Variants in DSCAM observed in about 807,000 individuals in gnomAD.
DSCAM encodes the protein cell adhesion molecule DSCAM.
A neutral mutation model predicts 217.7 loss-of-function variants in DSCAM; 47 were observed. That is an observed-to-expected ratio of 0.22 (90% confidence interval 0.17 to 0.28). The LOEUF (loss-of-function observed/expected upper bound fraction) is 0.28. Among genes scored for constraint, DSCAM ranks in the 10% least tolerant of loss-of-function variants. DSCAM has a pLI of 1.00. For missense variants in DSCAM, 2,080 were observed against 2,618.3 expected (o/e 0.79, Z 4.49); for synonymous variants, 1,056 against 1,015.3 (o/e 1.04, Z -0.76).
At chr21:40,610,817 G>C (rs2089303955) in intron 3 of DSCAM, among the ~76,000 whole-genome samples, 1 of 152,152 alleles carries the variant, frequency 6.6e-6, no homozygotes, top group African/African-American at 2.4e-5. Flanking sequence ...CTGGCTTAGA[G>C]TTAACAGCAG....
intron 27 of DSCAM, among the ~76,000 whole-genome samples, chr21:40,063,421 G>A (rs1047823715): frequency 2.7e-5 from 4 of 149,408 alleles, no homozygotes; most frequent in African/African-American, 7.4e-5. Context: ...TTTTTTCTCT[G>A]AGCACATTGT....
chr21:40,780,447 A>ATATC (rs1308722522), intron 1 of DSCAM, among the ~76,000 whole-genome samples: 18 of 141,558 alleles, frequency 1.3e-4, no homozygotes, highest in Admixed American at 1.3e-3. Flanking sequence ...ATATATATAT[A>ATATC]TCTCCTGTTA....
intron 16 of DSCAM, among the ~76,000 whole-genome samples, chr21:40,158,165 G>A (rs912229900): frequency 2.0e-5 from 3 of 152,096 alleles, no homozygotes; most frequent in Non-Finnish European, 2.9e-5. Flanking sequence ...CAGGAGGACC[G>A]CTGCAGGTCA....
chr21:40,080,662 A>G (rs1383833883), intron 24 of DSCAM, among the ~76,000 whole-genome samples: 1 of 152,206 alleles, frequency 6.6e-6, no homozygotes. Flanking sequence ...CTCAGATCAT[A>G]CATGCCTGAA....
At chr21:40,773,527 A>T (rs1315453214) in intron 1 of DSCAM, among the ~76,000 whole-genome samples, 1 of 152,198 alleles carries the variant, frequency 6.6e-6, no homozygotes, top group Non-Finnish European at 1.5e-5. Context: ...ACTTAATTAC[A>T]TCTGCAAATA....
intron 27 of DSCAM, among the ~76,000 whole-genome samples, chr21:40,072,113 T>G (rs537388387): frequency 6.6e-6 from 1 of 152,308 alleles, no homozygotes; most frequent in African/African-American, 2.4e-5. Context: ...TTCTGAGTCT[T>G]AGAAATCTCT....
At chr21:40,372,375 G>T (rs751980098) in intron 3 of DSCAM, among the ~76,000 whole-genome samples, 2 of 152,152 alleles carry the variant, frequency 1.3e-5, no homozygotes, top group Non-Finnish European at 2.9e-5. Context: ...GTCTCCCTTT[G>T]TGTGTCTTTC....
intron 3 of DSCAM, among the ~76,000 whole-genome samples, chr21:40,577,819 T>C (rs544525984): frequency 4.6e-5 from 7 of 152,254 alleles, no homozygotes; most frequent in African/African-American, 1.4e-4. Context: ...TACAAGGTGA[T>C]AGACTCGGGG....
chr21:40,689,826 C>T (rs2090520024), intron 3 of DSCAM, among the ~76,000 whole-genome samples: 1 of 152,214 alleles, frequency 6.6e-6, no homozygotes, highest in Admixed American at 6.5e-5. Flanking sequence ...AGGTCATCTG[C>T]TGTGCATATG....
intron 25 of DSCAM, among the ~76,000 whole-genome samples, chr21:40,079,240 CA>C (rs769061433): frequency 6.6e-6 from 1 of 152,084 alleles, no homozygotes; most frequent in Non-Finnish European, 1.5e-5. Flanking sequence ...CCCTAAAGAA[CA>C]ATAGGATGTT....
intron 2 of DSCAM, among the ~76,000 whole-genome samples, chr21:40,699,206 G>A (rs73358379): frequency 0.12 from 18,814 of 151,974 alleles, 1,993 homozygotes; most frequent in African/African-American, 0.29. Context: ...ATTGTTTTGC[G>A]GAGCCACAAA....
intron 1 of DSCAM, among the ~76,000 whole-genome samples, chr21:40,715,445 G>T (rs2090831497): frequency 6.6e-6 from 1 of 152,202 alleles, no homozygotes; most frequent in East Asian, 1.9e-4. Context: ...TTGCCAAAAG[G>T]TGGCAGAGAA....
At chr21:40,811,486 A>T (rs1296417745) in intron 1 of DSCAM, among the ~76,000 whole-genome samples, 1 of 152,248 alleles carries the variant, frequency 6.6e-6, no homozygotes, top group Non-Finnish European at 1.5e-5. Context: ...TGGAAAAGAA[A>T]GTGTGTTCTA....
chr21:40,345,531 T>C (rs1337068284), intron 6 of DSCAM, among the ~76,000 whole-genome samples: 2 of 152,228 alleles, frequency 1.3e-5, no homozygotes, highest in Non-Finnish European at 2.9e-5. Flanking sequence ...AATCATTCCA[T>C]TTTTCAGGTA....
chr21:40,735,483 C>T (rs1352094408), intron 1 of DSCAM, among the ~76,000 whole-genome samples: 1 of 152,200 alleles, frequency 6.6e-6, no homozygotes, highest in Non-Finnish European at 1.5e-5. Flanking sequence ...AGGCTGCAAA[C>T]TCTTGCCCAG....
At chr21:40,148,952 C>A (rs1422922234) in intron 16 of DSCAM, among the ~76,000 whole-genome samples, 2 of 152,132 alleles carry the variant, frequency 1.3e-5, no homozygotes, top group Non-Finnish European at 2.9e-5. Context: ...ACACTTTAAC[C>A]TCCACTACTT....
chr21:40,453,368 A>G (rs2075737599), intron 3 of DSCAM, among the ~76,000 whole-genome samples: 1 of 152,178 alleles, frequency 6.6e-6, no homozygotes, highest in Non-Finnish European at 1.5e-5. Flanking sequence ...CACACTAGGA[A>G]AGGTCACACT....
intron 8 of DSCAM, among the ~76,000 whole-genome samples, chr21:40,315,394 A>C (rs2074185023): frequency 6.7e-6 from 1 of 150,084 alleles, no homozygotes; most frequent in African/African-American, 2.5e-5. Flanking sequence ...ACAGAGCGAA[A>C]CTCCGTCTCA....
At chr21:40,272,598 C>T (rs752685559) in intron 11 of DSCAM, among the ~76,000 whole-genome samples, 12 of 152,134 alleles carry the variant, frequency 7.9e-5, no homozygotes, top group Non-Finnish European at 1.0e-4. Context: ...GTGCAGGGTT[C>T]GCAGGATCTC....
Sources: gnomAD v4.1 joint callset for allele counts (sites outside exome capture counted in the v4.1 genomes callset) on GRCh38, gnomAD v4.1.1 for gene constraint, MANE v1.5 for transcripts, NCBI Gene and HGNC (gene_info 2026-07-23, HGNC 2026-07-21) for gene names.